Variants in PTPN13 observed in about 807,000 individuals in gnomAD.
PTPN13 encodes protein tyrosine phosphatase non-receptor type 13, also known as tyrosine-protein phosphatase non-receptor type 13.
A neutral mutation model predicts 284.0 loss-of-function variants in PTPN13; 191 were observed. The ratio of observed to expected loss-of-function variants is 0.67; its 90% CI spans 0.60 to 0.76. PTPN13 has a LOEUF of 0.76. Among genes scored for constraint, PTPN13 ranks in the 30% least tolerant of loss-of-function variants. The pLI is 0.00. For synonymous variants in PTPN13, 986 were observed against 1,022.3 expected, an observed-to-expected ratio of 0.96 and a Z score of 0.68; for missense variants, 2,797 against 2,939.9, an observed-to-expected ratio of 0.95 and a Z score of 1.12.
At chr4:86,641,966 T>G (rs899077071) in intron 2 of PTPN13, among the ~76,000 whole-genome samples, 1 of 152,216 alleles carries the variant, frequency 6.6e-6, no homozygotes, top group Non-Finnish European at 1.5e-5. Context: ...CTAGGGATAG[T>G]CAAAACTTCC....
chr4:86,628,591 C>T (rs1387714259), intron 1 of PTPN13, among the ~76,000 whole-genome samples: 1 of 132,980 alleles, frequency 7.5e-6, no homozygotes, highest in Non-Finnish European at 1.6e-5. Flanking sequence ...CATGCTGGTG[C>T]GCTGCACCCA....
chr4:86,622,026 TA>T (rs1234394305), intron 1 of PTPN13, among the ~76,000 whole-genome samples: 2 of 152,156 alleles, frequency 1.3e-5, no homozygotes, highest in African/African-American at 4.8e-5. Context: ...GACAGAACCT[TA>T]AATAAACATT....
rs535291448 is a variant in PTPN13 at position 86,723,660 on chromosome 4, G to C, written c.1608+1226G>C. On this transcript the variant is annotated intron_variant, in intron 10 of 47. Transcript: ENST00000411767. ...GTATTGTCAAATTACCCTCCCAAAA[G>C]TTTGTGCCAGTTTTTGCTTCCTATG... Among the ~76,000 whole-genome samples, 12 of 152,214 alleles carry C rather than the reference G, an allele frequency of 7.9e-5. No individual in the cohort carries two copies. The South Asian group carries it at 2.3e-3, about 29-fold the overall frequency.
intron 19 of PTPN13, 95 bp downstream of exon 19, chr4:86,751,219 A>G (rs997350763): frequency 4.3e-5 from 39 of 915,356 alleles, no homozygotes; most frequent in Non-Finnish European, 5.5e-5. Context: ...TTTGGGTTCC[A>G]TGTCCTAATT....
At chr4:86,736,110 A>G (rs1275172188) in intron 15 of PTPN13, among the ~76,000 whole-genome samples, 1 of 152,170 alleles carries the variant, frequency 6.6e-6, no homozygotes, top group Non-Finnish European at 1.5e-5. Context: ...TGATTCTAGA[A>G]TTGTTTGTTT....
At chr4:86,638,221 A>C (rs1363529261) in intron 2 of PTPN13, among the ~76,000 whole-genome samples, 1 of 152,230 alleles carries the variant, frequency 6.6e-6, no homozygotes, top group Non-Finnish European at 1.5e-5. Flanking sequence ...CATGGGTAGG[A>C]AGAGTCAATA....
At chr4:86,812,352 T>C (rs1014397933) in intron 47 of PTPN13, among the ~76,000 whole-genome samples, 7 of 147,026 alleles carry the variant, frequency 4.8e-5, no homozygotes, top group Non-Finnish European at 6.0e-5. Context: ...TCTAGGTGCC[T>C]GGAGCACATC....
At chr4:86,716,498 G>T (rs747657931) in intron 7 of PTPN13, 32 bp from the exon 8 acceptor site, 40 of 1,305,038 alleles carry the variant, frequency 3.1e-5, no homozygotes, top group Non-Finnish European at 3.6e-5. Flanking sequence ...TAATGAGTTT[G>T]CTTTCTAATC....
chr4:86,800,510 G>A (rs575576933), intron 42 of PTPN13, among the ~76,000 whole-genome samples: 2 of 152,108 alleles, frequency 1.3e-5, no homozygotes, highest in Admixed American at 1.3e-4. Context: ...AAATTAGCTG[G>A]TCATGGTGGC....
chr4:86,635,442 T>C, intron 2 of PTPN13, 71 bp downstream of exon 2: 1 of 1,530,248 alleles, frequency 6.5e-7, no homozygotes, highest in South Asian at 1.2e-5. Flanking sequence ...AGATACAGGG[T>C]CAGAGATTAG....
At chr4:86,755,803 A>T (rs1329311598) in intron 20 of PTPN13, among the ~76,000 whole-genome samples, 1 of 152,034 alleles carries the variant, frequency 6.6e-6, no homozygotes, top group East Asian at 1.9e-4. Flanking sequence ...GATGTTTAGT[A>T]GGTTAGATGT....
chr4:86,772,030 T>G (rs574528322), intron 31 of PTPN13, among the ~76,000 whole-genome samples: 2 of 152,340 alleles, frequency 1.3e-5, no homozygotes, highest in East Asian at 3.9e-4. Context: ...GGTTATGTCT[T>G]TGTATCTATC....
At chr4:86,741,250 A>G (rs1736137055) in intron 15 of PTPN13, among the ~76,000 whole-genome samples, 1 of 152,316 alleles carries the variant, frequency 6.6e-6, no homozygotes. Context: ...CACTGCTGAT[A>G]AAGACATACC....
Position 86,745,011 on chromosome 4 carries a change from G to A in PTPN13, c.2533G>A (p.Gly845Ser), listed in dbSNP as rs777013123. 1 of 1,599,534 alleles carries A rather than the reference G, an allele frequency of 6.3e-7. No homozygotes were observed. Residue 845 changes from glycine to serine, a missense_variant, in exon 17 of 48, where the codon GGC (glycine) becomes AGC (serine). Transcript: ENST00000411767. The part of the protein sequence containing the change: ...LQNTSDGIKH[G>S]FQTDNSKICQ... ...AAATACATCAGATGGAATAAAACATGGCTTCCAGACAGACAACAGTAAGAT... is the reference window on the plus strand; with the variant it reads ...AAATACATCAGATGGAATAAAACATAGCTTCCAGACAGACAACAGTAAGAT...
intron 45 of PTPN13, 58 bp from the exon 46 acceptor site, chr4:86,809,711 A>T: frequency 6.8e-7 from 1 of 1,472,610 alleles, no homozygotes; most frequent in Non-Finnish European, 9.5e-7. Flanking sequence ...AAAAAGAATT[A>T]ACTGTATGTG....
In PTPN13 at chr4:86,716,569, T is replaced by G. The variant is rs1208540323; in HGVS notation, c.1235T>G (p.Phe412Cys). ...RRYKTYHGDV[F>C]STSSESPSII... ...TACAAAACTTATCATGGTGATGTCTTTAGTACCTCCAGTGAAAGTCCATCT... is the reference window on the plus strand; with the variant it reads ...TACAAAACTTATCATGGTGATGTCTGTAGTACCTCCAGTGAAAGTCCATCT... The change falls in exon 8 of 48, where the codon TTT becomes TGT. Residue 412 changes from phenylalanine to cysteine, a missense_variant. By Grantham distance (205) the Phe-to-Cys change is radical (BLOSUM62 -2). Coordinates refer to ENST00000411767, the MANE Select transcript of PTPN13 (RefSeq NM_080683.3). 14 of 1,599,950 alleles carry G rather than the reference T, an allele frequency of 8.8e-6. No homozygotes were observed. Among genetic ancestry groups the G allele is most frequent in the Non-Finnish European group, 1.2e-5 (14 of 1,173,258 alleles).
At chr4:86,724,728 G>A (rs1264290114) in intron 10 of PTPN13, among the ~76,000 whole-genome samples, 1 of 150,538 alleles carries the variant, frequency 6.6e-6, no homozygotes, top group Non-Finnish European at 1.5e-5. Context: ...TTTTTCTTTT[G>A]GTGCAGACAC....
chr4:86,794,249 T>C (rs371135630), intron 40 of PTPN13, among the ~76,000 whole-genome samples: 13 of 150,752 alleles, frequency 8.6e-5, no homozygotes, highest in East Asian at 3.9e-4. Context: ...AGCATTCATA[T>C]ACACCAACAG....
chr4:86,772,565 CA>C (rs1329079183), intron 31 of PTPN13, among the ~76,000 whole-genome samples: 1 of 151,212 alleles, frequency 6.6e-6, no homozygotes, highest in African/African-American at 2.4e-5. Flanking sequence ...ACAACAACAA[CA>C]AAAAAAACCT....
Sources: allele counts gnomAD v4.1 joint callset (sites outside exome capture counted in the v4.1 genomes callset), GRCh38; gene constraint gnomAD v4.1.1; transcripts MANE v1.5; gene names NCBI Gene and HGNC (gene_info 2026-07-23, HGNC 2026-07-21).